Variants in ENKUR observed in about 807,000 individuals in gnomAD.
The protein encoded by ENKUR is enkurin, TRPC channel interacting protein, also known as enkurin.
Under a neutral mutation model 27.6 loss-of-function variants are expected in ENKUR, and 19 were observed. That is an observed-to-expected ratio of 0.69 (90% CI 0.48 to 1.01). The LOEUF is 1.01. Among genes scored for constraint, ENKUR ranks in the 50% least tolerant of loss-of-function variants. The probability of loss-of-function intolerance (pLI) is 0.00; values close to 1 mark genes in which losing one functional copy is unlikely to be tolerated. For missense variants in ENKUR, 312 were observed against 310.5 expected (o/e 1.00, Z -0.04); for synonymous variants, 117 against 96.9 (o/e 1.21, Z -1.22).
chr10:24,993,113 G>A (rs1564336588), intron 3 of ENKUR, among the ~76,000 whole-genome samples: 1 of 152,154 alleles, frequency 6.6e-6, no homozygotes, highest in South Asian at 2.1e-4. Flanking sequence ...GGGCAACATA[G>A]TGAGACTCCA....
At chr10:25,045,700 A>G (rs1851114511) in intron 2 of ENKUR, among the ~76,000 whole-genome samples, 1 of 152,218 alleles carries the variant, frequency 6.6e-6, no homozygotes, top group Non-Finnish European at 1.5e-5. Context: ...GGCAATACAA[A>G]AAAAGTTAAA....
chr10:25,056,122 A>G (rs1441368912), intron 2 of ENKUR, among the ~76,000 whole-genome samples: 1 of 152,248 alleles, frequency 6.6e-6, no homozygotes, highest in Non-Finnish European at 1.5e-5. Flanking sequence ...ACTGAGGCTC[A>G]GGAAGGTTAA....
chr10:24,996,220 T>G (rs1485598427), intron 2 of ENKUR, among the ~76,000 whole-genome samples: 1 of 152,204 alleles, frequency 6.6e-6, no homozygotes, highest in Non-Finnish European at 1.5e-5. Context: ...CTCAGGAGTC[T>G]GAGACCAGTC....
chr10:25,011,273 C>A (rs1318034113), intron 1 of ENKUR, among the ~76,000 whole-genome samples: 2 of 152,118 alleles, frequency 1.3e-5, no homozygotes, highest in African/African-American at 4.8e-5. Flanking sequence ...ATGTCCTTTG[C>A]CCACTTTTTG....
At chr10:25,019,391 T>C (rs1423304968), upstream of ENKUR, among the ~76,000 whole-genome samples, 3 of 152,120 alleles carry the variant, frequency 2.0e-5, no homozygotes, top group African/African-American at 4.8e-5. Flanking sequence ...GGAGGATTGC[T>C]TGAGCCTAGG....
chr10:25,027,260 G>A (rs893520715), intron 2 of ENKUR, among the ~76,000 whole-genome samples: 13 of 149,128 alleles, frequency 8.7e-5, no homozygotes, highest in Non-Finnish European at 1.8e-4. Flanking sequence ...GGAGGCTGAG[G>A]CAGGAGAATG....
chr10:24,986,323 T>C (rs765604625), intron 4 of ENKUR, among the ~76,000 whole-genome samples: 1 of 152,112 alleles, frequency 6.6e-6, no homozygotes, highest in East Asian at 1.9e-4. Flanking sequence ...AAGAGGTTGG[T>C]TGGGGAAAAG....
chr10:24,993,112 A>C (rs1249830574), intron 3 of ENKUR, among the ~76,000 whole-genome samples: 1 of 152,212 alleles, frequency 6.6e-6, no homozygotes, highest in Non-Finnish European at 1.5e-5. Flanking sequence ...TGGGCAACAT[A>C]GTGAGACTCC....
intron 1 of ENKUR, among the ~76,000 whole-genome samples, chr10:25,007,719 C>T (rs1013710399): frequency 6.6e-6 from 1 of 152,050 alleles, no homozygotes; most frequent in Non-Finnish European, 1.5e-5. Flanking sequence ...CAGGCTTGAG[C>T]GACTGCGCCC....
rs530745583 is a variant in ENKUR, at chr10:24,984,348, T to C, written c.*22A>G. 8.8e-6 allele frequency: 14 copies of C among 1,596,172 alleles called. No homozygotes were observed. In the African/African-American group the frequency reaches 1.6e-4, roughly 19 times the overall value. On this transcript the variant is annotated 3_prime_UTR_variant, in exon 6 of 6. Transcript: ENST00000331161. ...TTTCCAGTTCAAAATACTTAACAGT[T>C]TTCAAAGTTGTGCTGTTGGTATCAT...
intron 4 of ENKUR, 58 bp downstream of exon 4, chr10:24,990,405 C>A: frequency 1.3e-6 from 2 of 1,552,906 alleles, no homozygotes; most frequent in Non-Finnish European, 8.7e-7. Context: ...GATGGTACAC[C>A]TTTCTTTCAG....
chr10:25,047,538 C>T (rs529453530), intron 2 of ENKUR, among the ~76,000 whole-genome samples: 1 of 152,348 alleles, frequency 6.6e-6, no homozygotes, highest in South Asian at 2.1e-4. Flanking sequence ...ACATCTCCCT[C>T]CCAAGTGCCC....
At chr10:25,009,048 T>C (rs964612566) in intron 1 of ENKUR, among the ~76,000 whole-genome samples, 6 of 152,052 alleles carry the variant, frequency 3.9e-5, no homozygotes, top group African/African-American at 9.7e-5. Context: ...TAGGTGGGAA[T>C]TGAACAGTGA....
intron 2 of ENKUR, among the ~76,000 whole-genome samples, chr10:25,028,783 A>T (rs919795575): frequency 1.3e-5 from 2 of 152,290 alleles, no homozygotes; most frequent in East Asian, 1.9e-4. Context: ...CCAATGGAAC[A>T]CAACTCACCT....
intron 2 of ENKUR, among the ~76,000 whole-genome samples, chr10:25,054,037 C>A (rs1290364158): frequency 6.6e-6 from 1 of 152,194 alleles, no homozygotes; most frequent in Non-Finnish European, 1.5e-5. Context: ...CCAAGCCACA[C>A]ATATATTAAT....
chr10:25,023,526 A>C, intron 2 of ENKUR: 1 of 1,614,186 alleles, frequency 6.2e-7, no homozygotes, highest in South Asian at 1.1e-5. Flanking sequence ...GTGTGTCTGA[A>C]AAATTACAGG....
chr10:25,003,114 T>C (rs1464759880), intron 1 of ENKUR, among the ~76,000 whole-genome samples: 1 of 152,060 alleles, frequency 6.6e-6, no homozygotes, highest in Admixed American at 6.5e-5. Context: ...GTCTCCTCCA[T>C]CTCTCCAATA....
At chr10:25,030,798 C>T (rs184969524) in intron 2 of ENKUR, among the ~76,000 whole-genome samples, 37 of 152,212 alleles carry the variant, frequency 2.4e-4, no homozygotes, top group African/African-American at 8.9e-4. Context: ...TTAAAGTGAT[C>T]TTGTGTGGTG....
intron 2 of ENKUR, among the ~76,000 whole-genome samples, chr10:24,998,079 C>A (rs1341781982): frequency 6.6e-6 from 1 of 152,050 alleles, no homozygotes; most frequent in Admixed American, 6.6e-5. Context: ...TGCCATCTTG[C>A]CTGATAGTGC....
Sources: allele counts gnomAD v4.1 joint callset (sites outside exome capture counted in the v4.1 genomes callset), GRCh38; gene constraint gnomAD v4.1.1; transcripts MANE v1.5; gene names NCBI Gene and HGNC (gene_info 2026-07-23, HGNC 2026-07-21).